The following ACACA variants were observed in gnomAD, a reference collection of about 807,000 sequenced individuals.
ACACA encodes the protein acetyl-CoA carboxylase alpha, also known as acetyl-CoA carboxylase 1.
A neutral mutation model predicts 296.1 loss-of-function variants in ACACA; 103 were observed. That is an observed-to-expected ratio of 0.35 (90% CI 0.30 to 0.41). ACACA has a LOEUF of 0.41. Among genes scored for constraint, ACACA ranks in the 10% least tolerant of loss-of-function variants. The pLI is 1.00. For missense variants in ACACA, 1,554 were observed against 2,989.7 expected, an observed-to-expected ratio of 0.52 and a Z score of 11.20; for synonymous variants, 953 against 1,038.6, an observed-to-expected ratio of 0.92 and a Z score of 1.58.
chr17:37,105,455 C>T (rs1237038589), intron 52 of ACACA, among the ~76,000 whole-genome samples: 1 of 151,674 alleles, frequency 6.6e-6, no homozygotes, highest in Non-Finnish European at 1.5e-5. Flanking sequence ...CCAGCCCAGG[C>T]GACAGTGCGA....
intron 1 of ACACA, among the ~76,000 whole-genome samples, chr17:37,397,329 C>T (rs189701995): frequency 7.2e-5 from 11 of 152,138 alleles, no homozygotes; most frequent in African/African-American, 2.7e-4. Flanking sequence ...GCTTGAAGCC[C>T]AGTATCTGTG....
chr17:37,089,110 T>A, intron 54 of ACACA, 36 bp from the exon 55 acceptor site: 1 of 1,613,930 alleles, frequency 6.2e-7, no homozygotes, highest in Non-Finnish European at 8.5e-7. Flanking sequence ...ACACCAGGGG[T>A]CAGGCCAGGC....
chr17:37,361,337 C>T (rs1042275961), intron 1 of ACACA, among the ~76,000 whole-genome samples: 11 of 152,130 alleles, frequency 7.2e-5, no homozygotes, highest in South Asian at 2.1e-4. Context: ...GCCAAGTCTC[C>T]CCAGGATTCT....
intron 11 of ACACA, among the ~76,000 whole-genome samples, chr17:37,262,298 T>C (rs974794790): frequency 6.6e-6 from 1 of 152,164 alleles, no homozygotes; most frequent in African/African-American, 2.4e-5. Context: ...TTTTGTCCAG[T>C]GGAATGTGAG....
At chr17:37,354,883 C>G (rs1034303058) in intron 1 of ACACA, among the ~76,000 whole-genome samples, 1 of 152,196 alleles carries the variant, frequency 6.6e-6, no homozygotes, top group Non-Finnish European at 1.5e-5. Context: ...GCAATGATCA[C>G]GTCACTGCAC....
rs2077615315 is a variant in ACACA at position 37,188,309 on chromosome 17, A to G, written c.4744T>C (p.Tyr1582His). 2 of 1,614,122 alleles carry G rather than the reference A, an allele frequency of 1.2e-6. No individual in the cohort carries two copies. Among genetic ancestry groups the G allele is most frequent in the Non-Finnish European group, 1.7e-6 (2 of 1,180,018 alleles). ...ESGYYLDISLYKEVTDSRTAQ... is the reference protein window; with the variant it reads ...ESGYYLDISLHKEVTDSRTAQ... ...GTCCTGGAGTCAGTCACTTCCTTGT[A>G]TAGGCTGATATCCAAGTAATAGCCA... Residue 1582 changes from tyrosine (Y) to histidine (H), a missense_variant, in exon 39 of 56, where the codon TAC becomes CAC. Physicochemically the swap from Tyr to His is moderately conservative, Grantham distance 83 (BLOSUM62 2). This residue lies in a region of ACACA where 553 missense variants were observed against 1,043.6 expected (regional missense o/e 0.53). Coordinates refer to ENST00000616317, the MANE Select transcript of ACACA (RefSeq NM_198834.3).
chr17:37,205,182 G>A (rs903895807), intron 33 of ACACA, among the ~76,000 whole-genome samples: 10 of 152,220 alleles, frequency 6.6e-5, no homozygotes, highest in African/African-American at 9.6e-5. Flanking sequence ...GAATGTCAAG[G>A]AAAAAGTCAA....
chr17:37,179,705 A>C (rs566537465), intron 40 of ACACA, among the ~76,000 whole-genome samples: 1 of 152,358 alleles, frequency 6.6e-6, no homozygotes, highest in Admixed American at 6.5e-5. Context: ...AAAATTAAAA[A>C]ACTAAATAAG....
At chr17:37,383,439 G>A (rs1162522011) in intron 1 of ACACA, among the ~76,000 whole-genome samples, 1 of 152,168 alleles carries the variant, frequency 6.6e-6, no homozygotes, top group African/African-American at 2.4e-5. Context: ...CTAATACTCT[G>A]TACTATTTGA....
chr17:37,290,105 T>C (rs527393472), intron 3 of ACACA, among the ~76,000 whole-genome samples: 5 of 152,272 alleles, frequency 3.3e-5, no homozygotes, highest in African/African-American at 1.2e-4. Flanking sequence ...TGGAGTGCAG[T>C]GGTCCAATCT....
chr17:37,304,886 A>C (rs1207204118), intron 3 of ACACA, among the ~76,000 whole-genome samples: 1 of 152,116 alleles, frequency 6.6e-6, no homozygotes, highest in Non-Finnish European at 1.5e-5. Context: ...ACTTGAGGCC[A>C]GGAGTTCGAA....
At chr17:37,098,054 A>G in intron 52 of ACACA, 70 bp from the exon 53 acceptor site, 1 of 1,598,296 alleles carries the variant, frequency 6.3e-7, no homozygotes, top group South Asian at 1.1e-5. Flanking sequence ...AAGCAGCCAC[A>G]ATCACGGGAA....
intron 1 of ACACA, among the ~76,000 whole-genome samples, chr17:37,375,469 C>T (rs1347615594): frequency 1.3e-5 from 2 of 151,722 alleles, no homozygotes; most frequent in Non-Finnish European, 2.9e-5. Flanking sequence ...CCTGGGCGAC[C>T]GAGCGAGACT....
intron 25 of ACACA, among the ~76,000 whole-genome samples, chr17:37,230,338 C>T (rs538212449): frequency 4.7e-5 from 7 of 149,604 alleles, no homozygotes; most frequent in South Asian, 2.1e-4. Flanking sequence ...GAGCCAAGAT[C>T]GCGCCGTTGC....
intron 1 of ACACA, chr17:37,365,842 T>C (rs1455734927): frequency 1.8e-6 from 1 of 559,702 alleles, no homozygotes; most frequent in Non-Finnish European, 2.3e-6. Context: ...GGTTTTCACA[T>C]GGCATTTCTG....
chr17:37,102,581 A>G (rs1261228388), intron 52 of ACACA, among the ~76,000 whole-genome samples: 2 of 152,180 alleles, frequency 1.3e-5, no homozygotes, highest in Non-Finnish European at 2.9e-5. Flanking sequence ...TCCACATTAA[A>G]TGGTATTGAA....
Position 37,339,863 on chromosome 17 carries a change from A to AGG in ACACA, c.39-14_39-13insCC, listed in dbSNP as rs2048306346. 7.9e-7 allele frequency: 1 copy of AGG among 1,272,480 alleles called. No homozygotes were observed. The highest frequency in any genetic ancestry group is 1.1e-6 in the Non-Finnish European group (1 of 888,912). The allele number at this position is 1,272,480 out of a possible 1,614,324, so 78.8% of individuals were successfully genotyped here. On this transcript the variant is annotated splice_polypyrimidine_tract_variant and intron_variant, in intron 1 of 55. Transcript: ENST00000616317. ...CTTCCAAAAAGACCTAGAGAGAAAG[A>AGG]GAAAGATTTTAAGGTTTTTTTTTTT...
chr17:37,141,726 T>C (rs1385429394), intron 45 of ACACA, among the ~76,000 whole-genome samples: 1 of 151,962 alleles, frequency 6.6e-6, no homozygotes, highest in African/African-American at 2.4e-5. Flanking sequence ...AGTTTTGCTG[T>C]TTTTGCCCAG....
At chr17:37,401,314 T>C (rs1380962253) in intron 1 of ACACA, among the ~76,000 whole-genome samples, 1 of 150,506 alleles carries the variant, frequency 6.6e-6, no homozygotes, top group African/African-American at 2.4e-5. Context: ...TGCCTCAGCC[T>C]CCTGAGTAGC....
Sources: allele counts gnomAD v4.1 joint callset (sites outside exome capture counted in the v4.1 genomes callset), GRCh38; gene constraint gnomAD v4.1.1; regional missense constraint gnomAD v4.1.1; transcripts MANE v1.5; gene names NCBI Gene and HGNC (gene_info 2026-07-23, HGNC 2026-07-21).